The following GPC6 variants were observed in gnomAD, a reference collection of about 807,000 sequenced individuals.
GPC6 encodes the protein glypican-6.
A neutral mutation model predicts 55.2 loss-of-function variants in GPC6; 14 were observed. That is an observed-to-expected ratio of 0.25 (90% CI 0.17 to 0.40). The LOEUF (loss-of-function observed/expected upper bound fraction) is 0.40, where lower values mean the gene tolerates loss of function less well. GPC6 is among the 10% of genes least tolerant of loss of function. The pLI is 1.00. For missense variants in GPC6, 641 were observed against 708.5 expected (o/e 0.90, Z 1.08); for synonymous variants, 278 against 259.6 (o/e 1.07, Z -0.68).
At chr13:93,912,560 G>A (rs190598544) in intron 3 of GPC6, among the ~76,000 whole-genome samples, 251 of 152,088 alleles carry the variant, frequency 1.7e-3, no homozygotes, top group South Asian at 7.5e-3. Context: ...TGGCTAACAC[G>A]GTGAAACCCC....
rs1566415719 is a variant in GPC6 at position 93,545,287 on chromosome 13, A to G, written c.185A>G (p.Gln62Arg). 5 of 1,613,534 alleles carry G rather than the reference A, an allele frequency of 3.1e-6. No individual in the cohort carries two copies. Among genetic ancestry groups the G allele is most frequent in the Non-Finnish European group, 4.2e-6 (5 of 1,179,586 alleles). Reference sequence around the variant, plus strand: ...GGGGAACACTTAAGAATCTGTCCTCAGGAATATACATGCTGCACCACAGAA... The same window carrying G: ...GGGGAACACTTAAGAATCTGTCCTCGGGAATATACATGCTGCACCACAGAA... ...IAGEHLRICP[Q>R]EYTCCTTEME... is the part of the protein sequence containing the mutation. The change falls in exon 2 of 9, where the codon CAG becomes CGG. Residue 62 changes from glutamine (Q) to arginine (R), a missense_variant. By Grantham distance (43) the Gln-to-Arg change is conservative. Coordinates refer to ENST00000377047, the MANE Select transcript of GPC6 (RefSeq NM_005708.5).
chr13:94,313,200 A>G (rs781470687), intron 6 of GPC6, among the ~76,000 whole-genome samples: 7 of 152,194 alleles, frequency 4.6e-5, no homozygotes, highest in Non-Finnish European at 8.8e-5. Context: ...GCTTCTTTCC[A>G]TTTAGGAGGC....
chr13:94,212,011 G>A (rs553374885), intron 4 of GPC6, among the ~76,000 whole-genome samples: 17 of 152,164 alleles, frequency 1.1e-4, no homozygotes, highest in Admixed American at 6.5e-4. Flanking sequence ...CACACATCTC[G>A]TTGTCTAAAA....
chr13:93,464,787 A>T (rs914452554), intron 1 of GPC6, among the ~76,000 whole-genome samples: 1 of 152,206 alleles, frequency 6.6e-6, no homozygotes, highest in African/African-American at 2.4e-5. Context: ...CATTTCCAGG[A>T]GGTTTTCAAT....
chr13:94,041,364 A>G (rs1173782696), intron 4 of GPC6, among the ~76,000 whole-genome samples: 1 of 151,860 alleles, frequency 6.6e-6, no homozygotes, highest in Non-Finnish European at 1.5e-5. Context: ...CAGAGAAGTC[A>G]TAGTAATCTG....
At chr13:93,746,145 A>G (rs1884389555) in intron 2 of GPC6, among the ~76,000 whole-genome samples, 1 of 152,224 alleles carries the variant, frequency 6.6e-6, no homozygotes, top group Admixed American at 6.5e-5. Flanking sequence ...AAAGTGTACC[A>G]ATGATCTTAT....
At chr13:93,523,429 G>A (rs1435268698) in intron 1 of GPC6, among the ~76,000 whole-genome samples, 13 of 143,812 alleles carry the variant, frequency 9.0e-5, no homozygotes, top group African/African-American at 1.0e-4. Context: ...TACAGTTGGT[G>A]TATGACATTT....
chr13:94,389,237 A>C (rs1208165370), intron 7 of GPC6, among the ~76,000 whole-genome samples: 1 of 152,152 alleles, frequency 6.6e-6, no homozygotes, highest in East Asian at 1.9e-4. Context: ...GCAGGTTACA[A>C]ATCTAGGCCT....
chr13:93,683,074 C>T (rs1220003991), intron 2 of GPC6, among the ~76,000 whole-genome samples: 1 of 151,930 alleles, frequency 6.6e-6, no homozygotes, highest in Middle Eastern at 3.4e-3. Flanking sequence ...ATATTAAATC[C>T]TTAATTTCCA....
chr13:93,730,187 C>T (rs1451451633), intron 2 of GPC6, among the ~76,000 whole-genome samples: 1 of 152,104 alleles, frequency 6.6e-6, no homozygotes, highest in Non-Finnish European at 1.5e-5. Context: ...ATACAGAGCT[C>T]ACATCAACTT....
At chr13:93,250,200 G>T (rs1876737704) in intron 1 of GPC6, among the ~76,000 whole-genome samples, 1 of 152,166 alleles carries the variant, frequency 6.6e-6, no homozygotes, top group Non-Finnish European at 1.5e-5. Flanking sequence ...AAAGCTCTTA[G>T]AATAGTATCT....
chr13:93,986,808 T>G (rs1881051586), intron 3 of GPC6, among the ~76,000 whole-genome samples: 1 of 152,172 alleles, frequency 6.6e-6, no homozygotes, highest in South Asian at 2.1e-4. Context: ...TGTGCACATT[T>G]TGGGGAGTTA....
intron 3 of GPC6, among the ~76,000 whole-genome samples, chr13:93,954,709 C>T (rs556444256): frequency 2.9e-4 from 44 of 152,218 alleles, no homozygotes; most frequent in African/African-American, 1.0e-3. Flanking sequence ...TGGGAAGCTC[C>T]CAGCAGACAC....
chr13:94,392,050 G>A (rs1294203687), intron 7 of GPC6, among the ~76,000 whole-genome samples: 3 of 151,996 alleles, frequency 2.0e-5, no homozygotes, highest in Non-Finnish European at 4.4e-5. Flanking sequence ...TCCATAAATG[G>A]ACACCTTTCA....
chr13:93,895,049 C>T (rs958055330), intron 3 of GPC6, among the ~76,000 whole-genome samples: 4 of 150,618 alleles, frequency 2.7e-5, no homozygotes, highest in African/African-American at 9.8e-5. Context: ...CCCACACCAA[C>T]GTCTTACAGC....
At chr13:93,500,504 T>A (rs1013879881) in intron 1 of GPC6, among the ~76,000 whole-genome samples, 1 of 100,870 alleles carries the variant, frequency 9.9e-6, no homozygotes, top group African/African-American at 3.7e-5. Context: ...CATTTCTATA[T>A]GAAAGGCATC....
intron 6 of GPC6, among the ~76,000 whole-genome samples, chr13:94,356,059 T>C (rs1878777170): frequency 6.6e-6 from 1 of 151,482 alleles, no homozygotes; most frequent in Admixed American, 6.6e-5. Flanking sequence ...GTTAGCTCCA[T>C]CCATGTCCCT....
chr13:93,920,423 A>G (rs962351243), intron 3 of GPC6, among the ~76,000 whole-genome samples: 3 of 152,058 alleles, frequency 2.0e-5, no homozygotes, highest in Admixed American at 6.6e-5. Flanking sequence ...ACCTCTCTTT[A>G]GCTTCATTCT....
At chr13:94,068,596 T>C (rs1884620343) in intron 4 of GPC6, among the ~76,000 whole-genome samples, 1 of 152,174 alleles carries the variant, frequency 6.6e-6, no homozygotes, top group South Asian at 2.1e-4. Flanking sequence ...TGTGAGCCTG[T>C]AAAATCAAAA....
Sources: gnomAD v4.1 joint callset for allele counts (sites outside exome capture counted in the v4.1 genomes callset) on GRCh38, gnomAD v4.1.1 for gene constraint, MANE v1.5 for transcripts, NCBI Gene and HGNC (gene_info 2026-07-23, HGNC 2026-07-21) for gene names.